Variants in TNF observed in about 807,000 individuals in gnomAD.
TNF encodes the protein APC1 protein.
A neutral mutation model predicts 21.8 loss-of-function variants in TNF; 7 were observed. The ratio of observed to expected loss-of-function variants is 0.32; its 90% CI spans 0.18 to 0.60. The LOEUF (loss-of-function observed/expected upper bound fraction) is 0.60, where lower values mean the gene tolerates loss of function less well. Among genes scored for constraint, TNF ranks in the 20% least tolerant of loss-of-function variants. The probability of loss-of-function intolerance (pLI) is 0.84; values close to 1 mark genes in which losing one functional copy is unlikely to be tolerated. For synonymous variants in TNF, 123 were observed against 130.2 expected (o/e 0.94, Z 0.38); for missense variants, 216 against 296.6 (o/e 0.73, Z 2.00).
In TNF at chr6:31,577,210, G is replaced by A; in HGVS notation, c.375G>A (p.Val125=). 1 of 1,613,094 alleles carries A rather than the reference G, an allele frequency of 6.2e-7. No homozygotes were observed. The highest frequency in any genetic ancestry group is 8.5e-7 in the Non-Finnish European group (1 of 1,180,018). ...TGGAGCTGAGAGATAACCAGCTGGT[G>A]GTGCCATCAGAGGGCCTGTACCTCA... is the stretch of plus-strand genomic sequence containing the variant. The part of the protein sequence containing the change: ...NGVELRDNQL[V]VPSEGLYLIY... The change falls in exon 4 of 4, where the codon GTG becomes GTA. Residue 125 remains valine, a synonymous_variant. Transcript: ENST00000449264. The surrounding 1 kb of genome is among the most constrained non-coding windows in gnomAD (Gnocchi z 7.7).
At chr6:31,576,989 G>A in intron 3 of TNF, 127 bp from the exon 4 acceptor site, 1 of 1,375,892 alleles carries the variant, frequency 7.3e-7, no homozygotes, top group Non-Finnish European at 1.0e-6. Context: ...TGGCCAGGTG[G>A]GATGTGGGAT....
rs1291725699 is a variant in TNF at position 31,576,992 on chromosome 6, T to G, written c.281-124T>G. On this transcript the variant is annotated intron_variant, in intron 3 of 3. Coordinates refer to ENST00000449264, the MANE Select transcript of TNF (RefSeq NM_000594.4). ...CTCAGAACGTCATGGCCAGGTGGGATGTGGGATGACAGACAGAGAGGACAG... is the reference window on the plus strand; with the variant it reads ...CTCAGAACGTCATGGCCAGGTGGGAGGTGGGATGACAGACAGAGAGGACAG... 4 of 1,387,104 alleles carry G rather than the reference T, an allele frequency of 2.9e-6. No individual in the cohort carries two copies. In the African/African-American group the frequency reaches 5.7e-5, roughly 20 times the overall value. 85.9% of individuals were successfully genotyped at this position (1,387,104 alleles called of 1,614,324 possible).
Position 31,575,807 on chromosome 6 carries a change from G to C in TNF, c.66G>C (p.Gly22=). Residue 22 remains glycine (G), a synonymous_variant, in exon 1 of 4, where the codon GGG becomes GGC. Coordinates refer to ENST00000449264, the MANE Select transcript of TNF (RefSeq NM_000594.4). This position sits in a 1 kb window ranked among gnomAD's most constrained non-coding sequence, Gnocchi z 6.2. ...LAEEALPKKT[G]GPQGSRRCLF... is the part of the protein sequence containing the mutation. ...AGGAGGCGCTCCCCAAGAAGACAGGGGGGCCCCAGGGCTCCAGGCGGTGCT... is the reference window on the plus strand; with the variant it reads ...AGGAGGCGCTCCCCAAGAAGACAGGCGGGCCCCAGGGCTCCAGGCGGTGCT... The C allele has an allele frequency of 3.1e-6, 5 of 1,611,636 alleles. No homozygotes were observed. Among genetic ancestry groups the C allele is most frequent in the Non-Finnish European group, 4.2e-6 (5 of 1,178,876 alleles).
rs569914957 is a variant in TNF, at chr6:31,576,446, G to A, written c.187-88G>A. ...GAGAGAGAAAACCAGACACCTCAGG[G>A]CTAAGAGCGCAGGCCAGACAGGCAG... On this transcript the variant is annotated intron_variant, in intron 1 of 3. Transcript: ENST00000449264. The A allele has an allele frequency of 1.6e-5, 22 of 1,353,840 alleles. 1 individual carries two copies. The highest frequency in any genetic ancestry group is 1.9e-5 in the Non-Finnish European group (18 of 961,304). The allele number at this position is 1,353,840 out of a possible 1,614,324, so 83.9% of individuals were successfully genotyped here.
intron 3 of TNF, 42 bp downstream of exon 3, chr6:31,576,856 G>T (rs1771206000): frequency 6.2e-7 from 1 of 1,608,800 alleles, no homozygotes; most frequent in Non-Finnish European, 8.5e-7. Flanking sequence ...GGAGGGCTAG[G>T]ATTTGGGGAT....
Position 31,577,105 on chromosome 6 carries a change from C to T in TNF, c.281-11C>T. ...ACACTGACTCTCCTCTCCCTCTCTCCCTCCCTCCAGCAAACCCTCAAGCTG... is the reference window on the plus strand; with the variant it reads ...ACACTGACTCTCCTCTCCCTCTCTCTCTCCCTCCAGCAAACCCTCAAGCTG... On this transcript the variant is annotated splice_polypyrimidine_tract_variant and intron_variant, in intron 3 of 3. Transcript: ENST00000449264. The surrounding 1 kb of genome is among the most constrained non-coding windows in gnomAD (Gnocchi z 7.7). 6.3e-7 allele frequency: 1 copy of T among 1,593,264 alleles called. No individual in the cohort carries two copies. Among genetic ancestry groups the T allele is most frequent in the Non-Finnish European group, 8.5e-7 (1 of 1,170,226 alleles).
chr6:31,576,732 G>C (rs754263939), intron 2 of TNF, 35 bp from the exon 3 acceptor site: 31 of 1,612,698 alleles, frequency 1.9e-5, no homozygotes, highest in Non-Finnish European at 2.6e-5. Flanking sequence ...GGAAGTTTAA[G>C]GGTCTCAGCT....
rs1226254115 is a variant in TNF at position 31,576,799 on chromosome 6, G to A, written c.265G>A (p.Val89Ile). ...TTCTCGAACCCCGAGTGACAAGCCTGTAGCCCATGTTGTAGGTAAGAGCTC... is the reference window on the plus strand; with the variant it reads ...TTCTCGAACCCCGAGTGACAAGCCTATAGCCCATGTTGTAGGTAAGAGCTC... ...SSSRTPSDKPVAHVVANPQAE... is the reference protein window; with the variant it reads ...SSSRTPSDKPIAHVVANPQAE... The change falls in exon 3 of 4, where the codon GTA becomes ATA. Residue 89 changes from valine to isoleucine, a missense_variant. Physicochemically the swap from Val to Ile is conservative, Grantham distance 29 (BLOSUM62 3). Transcript: ENST00000449264. 2 of 1,612,920 alleles carry A rather than the reference G, an allele frequency of 1.2e-6. No individual in the cohort carries two copies. The highest frequency in any genetic ancestry group is 1.1e-5 in the South Asian group (1 of 91,084).
intron 2 of TNF, 80 bp downstream of exon 2, chr6:31,576,659 G>A (rs1771195895): frequency 5.0e-6 from 8 of 1,588,258 alleles, no homozygotes; most frequent in East Asian, 2.3e-5. Context: ...AGCAGTGGGG[G>A]AAATTTAAAG....
rs1412317464 is a variant in TNF, at chr6:31,577,807, C to T, written c.*270C>T. 5.2e-6 allele frequency: 3 copies of T among 571,844 alleles called. No homozygotes were observed. The highest frequency in any genetic ancestry group is 9.4e-6 in the Non-Finnish European group (3 of 318,598). The allele number at this position is 571,844 out of a possible 1,614,324, so 35.4% of individuals were successfully genotyped here. A position where few individuals can be genotyped will look rare whatever the true frequency, so the allele number is the denominator to read the frequency against. On this transcript the variant is annotated 3_prime_UTR_variant, in exon 4 of 4. Coordinates refer to ENST00000449264, the MANE Select transcript of TNF (RefSeq NM_000594.4). This position sits in a 1 kb window ranked among gnomAD's most constrained non-coding sequence, Gnocchi z 7.7. ...TGGGGCCTACAGCTTTGATCCCTGA[C>T]ATCTGGAATCTGGAGACCAGGGAGC...
At position 31,577,078 on chromosome 6, in the gene TNF, C is replaced by A; in HGVS notation, c.281-38C>A. 6.4e-7 allele frequency: 1 copy of A among 1,566,826 alleles called. No individual in the cohort carries two copies. The highest frequency in any genetic ancestry group is 1.2e-5 in the South Asian group (1 of 83,504). On this transcript the variant is annotated intron_variant, in intron 3 of 3. Coordinates refer to ENST00000449264, the MANE Select transcript of TNF (RefSeq NM_000594.4). The surrounding 1 kb of genome is among the most constrained non-coding windows in gnomAD (Gnocchi z 7.7). The stretch of plus-strand genomic sequence containing the variant: ...GGATGTGGAGAGTGAACCGACATGG[C>A]CACACTGACTCTCCTCTCCCTCTCT...
In TNF at chr6:31,576,565, TGGCCCA is replaced by T; in HGVS notation, c.222_227del (p.Gln75_Ala76del). 6.2e-7 allele frequency: 1 copy of T among 1,613,878 alleles called. No individual in the cohort carries two copies. Among genetic ancestry groups the T allele is most frequent in the Non-Finnish European group, 8.5e-7 (1 of 1,179,998 alleles). On this transcript the variant is annotated inframe_deletion, in exon 2 of 4. Transcript: ENST00000449264. ...AGGGACCTCTCTCTAATCAGCCCTC[TGGCCCA>T]GGCAGTCAGTAAGTGTCTCCAAACC... is the stretch of plus-strand genomic sequence containing the variant.
Position 31,577,185 on chromosome 6 carries a change from T to C in TNF, c.350T>C (p.Val117Ala), listed in dbSNP as rs774032100. ...GCCAATGCCCTCCTGGCCAATGGCGTGGAGCTGAGAGATAACCAGCTGGTG... is the reference window on the plus strand; with the variant it reads ...GCCAATGCCCTCCTGGCCAATGGCGCGGAGCTGAGAGATAACCAGCTGGTG... ...RRANALLANG[V>A]ELRDNQLVVP... Residue 117 changes from valine (V) to alanine (A), a missense_variant, in exon 4 of 4, where the codon GTG becomes GCG. Val to Ala is a moderately conservative substitution (Grantham distance 64, BLOSUM62 0). Around this residue, in one of 2 missense-constraint regions of TNF, gnomAD observed 98 missense variants for 169.6 expected, o/e 0.58. Coordinates refer to ENST00000449264, the MANE Select transcript of TNF (RefSeq NM_000594.4). The surrounding 1 kb of genome is among the most constrained non-coding windows in gnomAD (Gnocchi z 7.7). The C allele has an allele frequency of 2.5e-5, 41 of 1,612,884 alleles. No homozygotes were observed. The South Asian group carries it at 4.0e-4, about 16-fold the overall frequency.
rs569852154 is a variant in TNF at position 31,577,195 on chromosome 6, A to G, written c.360A>G (p.Arg120=). 18 of 1,613,070 alleles carry G rather than the reference A, an allele frequency of 1.1e-5. No individual in the cohort carries two copies. The South Asian group carries it at 1.8e-4, about 16-fold the overall frequency. The change falls in exon 4 of 4, where the codon AGA becomes AGG. Residue 120 remains arginine (R), a synonymous_variant. Transcript: ENST00000449264. This position sits in a 1 kb window ranked among gnomAD's most constrained non-coding sequence, Gnocchi z 7.7. Reference sequence around the variant, plus strand: ...TCCTGGCCAATGGCGTGGAGCTGAGAGATAACCAGCTGGTGGTGCCATCAG... The same window carrying G: ...TCCTGGCCAATGGCGTGGAGCTGAGGGATAACCAGCTGGTGGTGCCATCAG... The part of the protein sequence containing the change: ...NALLANGVEL[R]DNQLVVPSEG...
Position 31,577,045 on chromosome 6 carries a change from G to T in TNF, c.281-71G>T. On this transcript the variant is annotated intron_variant, in intron 3 of 3. Transcript: ENST00000449264. The surrounding 1 kb of genome is among the most constrained non-coding windows in gnomAD (Gnocchi z 7.7). ...ACCGGATGTGGGGTGGGCAGAGCTC[G>T]AGGGCCAGGATGTGGAGAGTGAACC... 1 of 1,534,992 alleles carries T rather than the reference G, an allele frequency of 6.5e-7. No homozygotes were observed. Among genetic ancestry groups the T allele is most frequent in the Non-Finnish European group, 8.8e-7 (1 of 1,139,978 alleles).
Position 31,575,897 on chromosome 6 carries a change from C to A in TNF, c.156C>A (p.His52Gln), listed in dbSNP as rs1562479959. The A allele has an allele frequency of 6.3e-7, 1 of 1,590,256 alleles. No homozygotes were observed. The highest frequency in any genetic ancestry group is 8.6e-7 in the Non-Finnish European group (1 of 1,168,482). Residue 52 changes from histidine to glutamine, a missense_variant, in exon 1 of 4, where the codon CAC becomes CAA. Transcript: ENST00000449264. The surrounding 1 kb of genome is among the most constrained non-coding windows in gnomAD (Gnocchi z 6.2). ...CCACCACGCTCTTCTGCCTGCTGCACTTTGGAGTGATCGGCCCCCAGAGGG... is the reference window on the plus strand; with the variant it reads ...CCACCACGCTCTTCTGCCTGCTGCAATTTGGAGTGATCGGCCCCCAGAGGG... ...AGATTLFCLL[H>Q]FGVIGPQREE...
Position 31,575,763 on chromosome 6 carries a change from C to A in TNF, c.22C>A (p.Arg8=). The A allele has an allele frequency of 6.2e-7, 1 of 1,600,044 alleles. No homozygotes were observed. The highest frequency in any genetic ancestry group is 8.5e-7 in the Non-Finnish European group (1 of 1,173,286). MSTESMI[R]DVELAEEALP... is the part of the protein sequence containing the mutation. ...CACCATGAGCACTGAAAGCATGATC[C>A]GGGACGTGGAGCTGGCCGAGGAGGC... Residue 8 remains arginine (R), a synonymous_variant, in exon 1 of 4, where the codon CGG becomes AGG. Coordinates refer to ENST00000449264, the MANE Select transcript of TNF (RefSeq NM_000594.4). This position sits in a 1 kb window ranked among gnomAD's most constrained non-coding sequence, Gnocchi z 6.2.
In TNF at chr6:31,576,583, A is replaced by G; in HGVS notation, c.232+4A>G. Reference sequence around the variant, plus strand: ...AGCCCTCTGGCCCAGGCAGTCAGTAAGTGTCTCCAAACCTCTTTCCTAATT... The same window carrying G: ...AGCCCTCTGGCCCAGGCAGTCAGTAGGTGTCTCCAAACCTCTTTCCTAATT... On this transcript the variant is annotated splice_donor_region_variant and intron_variant, in intron 2 of 3. Coordinates refer to ENST00000449264, the MANE Select transcript of TNF (RefSeq NM_000594.4). 1 of 1,613,254 alleles carries G rather than the reference A, an allele frequency of 6.2e-7. No individual in the cohort carries two copies. Among genetic ancestry groups the G allele is most frequent in the Non-Finnish European group, 8.5e-7 (1 of 1,179,866 alleles).
At position 31,577,453 on chromosome 6, in the gene TNF, C is replaced by G; in HGVS notation, c.618C>G (p.Asp206Glu). The G allele has an allele frequency of 6.2e-7, 1 of 1,613,118 alleles. No individual in the cohort carries two copies. Among genetic ancestry groups the G allele is most frequent in the Non-Finnish European group, 8.5e-7 (1 of 1,180,038 alleles). ...LGGVFQLEKGDRLSAEINRPD... is the reference protein window; with the variant it reads ...LGGVFQLEKGERLSAEINRPD... The stretch of plus-strand genomic sequence containing the variant: ...GGGTCTTCCAGCTGGAGAAGGGTGA[C>G]CGACTCAGCGCTGAGATCAATCGGC... The change falls in exon 4 of 4, where the codon GAC becomes GAG. Residue 206 changes from aspartate to glutamate, a missense_variant. Asp to Glu is a conservative substitution (Grantham distance 45, BLOSUM62 2). Transcript: ENST00000449264. This position sits in a 1 kb window ranked among gnomAD's most constrained non-coding sequence, Gnocchi z 7.7.
Sources: allele counts gnomAD v4.1 joint callset, GRCh38; gene constraint gnomAD v4.1.1; regional missense constraint gnomAD v4.1.1; non-coding constraint Gnocchi (gnomAD v3.1); transcripts MANE v1.5; gene names NCBI Gene and HGNC (gene_info 2026-07-23, HGNC 2026-07-21).